NME7: variants seen among roughly 807,000 people sequenced by gnomAD.
NME7 encodes the protein nucleoside diphosphate kinase 7.
Under a neutral mutation model 49.1 loss-of-function variants are expected in NME7, and 41 were observed. The observed-to-expected ratio is 0.83, with a 90% CI of 0.65 to 1.08. The LOEUF is 1.08. NME7 is among the 50% of genes least tolerant of loss of function. The pLI is 0.00. For synonymous variants in NME7, 139 were observed against 150.6 expected, an observed-to-expected ratio of 0.92 and a Z score of 0.56; for missense variants, 423 against 463.4, an observed-to-expected ratio of 0.91 and a Z score of 0.80.
At chr1:169,308,906 T>G (rs978576487) in intron 4 of NME7, among the ~76,000 whole-genome samples, 3 of 152,192 alleles carry the variant, frequency 2.0e-5, no homozygotes, top group African/African-American at 7.2e-5. Context: ...ATTTGCCTAT[T>G]ATTTATAATA....
chr1:169,316,996 G>GA (rs1651655150), intron 3 of NME7, among the ~76,000 whole-genome samples: 1 of 149,340 alleles, frequency 6.7e-6, no homozygotes, highest in Non-Finnish European at 1.5e-5. Flanking sequence ...AAGGCAAGAA[G>GA]AAAAAAATAG....
Position 169,262,781 on chromosome 1 carries a change from C to T in NME7, c.754+24522G>A, listed in dbSNP as rs751732307. 1.5e-5 allele frequency among the ~76,000 whole-genome samples: 2 copies of T among 133,558 alleles called. 1 individual carries two copies. The highest frequency in any genetic ancestry group is 3.5e-5 in the Non-Finnish European group (2 of 56,836). 87.6% of individuals were successfully genotyped at this position (133,558 alleles called of 152,430 possible). ...ATCAACCTGGCTTCCCCACAATTCC[C>T]CAACATACTTCTAGATTGAGGCAGT... On this transcript the variant is annotated intron_variant, in intron 7 of 11. Coordinates refer to ENST00000367811, the MANE Select transcript of NME7 (RefSeq NM_013330.5).
At chr1:169,139,024 T>A (rs1000172672) in intron 11 of NME7, among the ~76,000 whole-genome samples, 4 of 152,172 alleles carry the variant, frequency 2.6e-5, no homozygotes, top group Non-Finnish European at 5.9e-5. Context: ...CTCCCCAGTC[T>A]CTCAAAATAT....
At chr1:169,288,525 T>C (rs79426272) in intron 6 of NME7, among the ~76,000 whole-genome samples, 113 of 152,280 alleles carry the variant, frequency 7.4e-4, no homozygotes, top group African/African-American at 2.6e-3. Flanking sequence ...TTCAAACCTG[T>C]GTTGTTTATG....
At chr1:169,251,914 T>C (rs1648642349) in intron 7 of NME7, among the ~76,000 whole-genome samples, 1 of 150,890 alleles carries the variant, frequency 6.6e-6, no homozygotes, top group Admixed American at 6.6e-5. Flanking sequence ...GGCTGCATAG[T>C]ATTCCATGGT....
At chr1:169,335,318 T>C (rs185790311) in intron 1 of NME7, among the ~76,000 whole-genome samples, 38 of 152,196 alleles carry the variant, frequency 2.5e-4, no homozygotes, top group Admixed American at 2.2e-3. Flanking sequence ...CAAATGCCCA[T>C]CAATGATAGA....
At position 169,303,183 on chromosome 1, in the gene NME7, C is replaced by T; in HGVS notation, c.402G>A (p.Leu134=). 6.4e-7 allele frequency: 1 copy of T among 1,552,762 alleles called. No individual in the cohort carries two copies. ...KMMMLSRKEA[L]DFHVDHQSRP... is the part of the protein sequence containing the mutation. Reference sequence around the variant, plus strand: ...TTGACTGGTGATCTACATGAAAATCCAATGCTTCTTTCCTATAAAATAATC... The same window carrying T: ...TTGACTGGTGATCTACATGAAAATCTAATGCTTCTTTCCTATAAAATAATC... The change falls in exon 5 of 12, where the codon TTG becomes TTA. Residue 134 remains leucine (L), a synonymous_variant. Transcript: ENST00000367811.
rs528639309 is a variant in NME7, at chr1:169,332,462, G to A, written c.4-7962C>T. ...AAACATAGGCAATCAAAGCAAAAAC[G>A]GACAAACAGGATCATATCAAGTTAA... On this transcript the variant is annotated intron_variant, in intron 1 of 11. Coordinates refer to ENST00000367811, the MANE Select transcript of NME7 (RefSeq NM_013330.5). 4.3e-4 allele frequency among the ~76,000 whole-genome samples: 66 copies of A among 152,008 alleles called. 1 individual carries two copies. The highest frequency in any genetic ancestry group is 1.9e-3 in the South Asian group (9 of 4,800).
At chr1:169,175,954 A>G (rs539530861) in intron 10 of NME7, among the ~76,000 whole-genome samples, 2 of 152,172 alleles carry the variant, frequency 1.3e-5, no homozygotes, top group Admixed American at 1.3e-4. Context: ...AACAGCAAAT[A>G]TTTTCATTTC....
chr1:169,175,477 T>G (rs2050119), intron 10 of NME7, among the ~76,000 whole-genome samples: 56,264 of 152,088 alleles, frequency 0.37, 11,033 homozygotes, highest in East Asian at 0.73. Context: ...ATACATAATT[T>G]TATGTAGTAT....
At chr1:169,227,712 T>C (rs1647403789) in intron 10 of NME7, among the ~76,000 whole-genome samples, 1 of 152,104 alleles carries the variant, frequency 6.6e-6, no homozygotes, top group Non-Finnish European at 1.5e-5. Context: ...GATGACCTTA[T>C]CTAATCCTAT....
chr1:169,249,990 G>C (rs1340527535), intron 7 of NME7, among the ~76,000 whole-genome samples: 3 of 151,998 alleles, frequency 2.0e-5, no homozygotes, highest in African/African-American at 7.2e-5. Context: ...TGGCTTCATA[G>C]AATGAGTTAG....
At chr1:169,168,721 T>A (rs1209489466) in intron 11 of NME7, among the ~76,000 whole-genome samples, 1 of 152,192 alleles carries the variant, frequency 6.6e-6, no homozygotes, top group African/African-American at 2.4e-5. Flanking sequence ...TAACTACTAA[T>A]GCTGTTGACC....
chr1:169,356,935 C>G (rs1653486522), intron 1 of NME7, among the ~76,000 whole-genome samples: 1 of 152,160 alleles, frequency 6.6e-6, no homozygotes. Context: ...GTCAACTAAT[C>G]TTGTTTTTAA....
intron 1 of NME7, among the ~76,000 whole-genome samples, chr1:169,364,326 G>C (rs913999335): frequency 8.4e-6 from 1 of 119,352 alleles, no homozygotes; most frequent in Admixed American, 9.4e-5. Context: ...CAAAAAGAAT[G>C]AACAATCAAC....
chr1:169,247,913 G>A (rs939937467), intron 7 of NME7, among the ~76,000 whole-genome samples: 1 of 151,986 alleles, frequency 6.6e-6, no homozygotes, highest in South Asian at 2.1e-4. Flanking sequence ...GGTTCCATAC[G>A]TTTGCAACTG....
In NME7 at chr1:169,176,072, C is replaced by T. The variant is rs377720020; in HGVS notation, c.991-6518G>A. 3.9e-5 allele frequency among the ~76,000 whole-genome samples: 6 copies of T among 152,258 alleles called. No individual in the cohort carries two copies. In the South Asian group the frequency reaches 8.3e-4, roughly 21 times the overall value. ...TTCAAAAATATCTTACCAAAACTGA[C>T]CCATCAAACAGCTTTTCCCAGTAGT... On this transcript the variant is annotated intron_variant, in intron 10 of 11. Coordinates refer to ENST00000367811, the MANE Select transcript of NME7 (RefSeq NM_013330.5).
chr1:169,233,249 A>C (rs1199848959), intron 9 of NME7, among the ~76,000 whole-genome samples: 1 of 152,000 alleles, frequency 6.6e-6, no homozygotes, highest in African/African-American at 2.4e-5. Flanking sequence ...TCTCTATATA[A>C]AGCTGTATAA....
chr1:169,276,434 G>A (rs1468346336), intron 7 of NME7, among the ~76,000 whole-genome samples: 1 of 132,894 alleles, frequency 7.5e-6, no homozygotes, highest in African/African-American at 2.6e-5. Flanking sequence ...ATGTGTCGAG[G>A]AATTTATCCA....
Sources: gnomAD v4.1 joint callset for allele counts (sites outside exome capture counted in the v4.1 genomes callset) on GRCh38, gnomAD v4.1.1 for gene constraint, MANE v1.5 for transcripts, NCBI Gene and HGNC (gene_info 2026-07-23, HGNC 2026-07-21) for gene names.